RELCH: variants seen among roughly 807,000 people sequenced by gnomAD.
The protein encoded by RELCH is RAB11 binding and LisH domain, coiled-coil and HEAT repeat containing.
RELCH carries 41 observed loss-of-function variants against 150.3 expected under a neutral mutation model. The ratio of observed to expected loss-of-function variants is 0.27; its 90% CI spans 0.21 to 0.35. RELCH has a LOEUF of 0.35. Ranked by LOEUF, RELCH falls within the 10% of genes least tolerant of loss-of-function variation. RELCH has a pLI of 1.00. For synonymous variants in RELCH, 478 were observed against 531.8 expected (o/e 0.90, Z 1.39); for missense variants, 1,092 against 1,467.8 (o/e 0.74, Z 4.18).
At chr18:62,252,639 A>G (rs758702540) in intron 11 of RELCH, 25 bp from the exon 12 acceptor site, 5 of 1,594,300 alleles carry the variant, frequency 3.1e-6, no homozygotes, top group Non-Finnish European at 2.6e-6. Flanking sequence ...TGCAAATACA[A>G]GCCGTTTTTT....
intron 5 of RELCH, among the ~76,000 whole-genome samples, chr18:62,222,220 G>A (rs113649585): frequency 0.039 from 5,960 of 151,992 alleles, 158 homozygotes; most frequent in Non-Finnish European, 0.06. Context: ...AATTTTCTGA[G>A]TAAGATAGTT....
rs68067609 is a variant in RELCH at position 62,253,267 on chromosome 18, TTGTGTG to T, written c.1824+553_1824+558del. Among the ~76,000 whole-genome samples the T allele has an allele frequency of 9.2e-3, 1,258 of 136,512 alleles. 11 individuals are homozygous for T. Among genetic ancestry groups the T allele is most frequent in the East Asian group, 0.046 (214 of 4,670 alleles). The allele number at this position is 136,512 out of a possible 152,430, so 89.6% of individuals were successfully genotyped here. ...TATACTTGAAGAAACAGCAAGAAGATTGTGTGTGTGTGTGTGTGTGTGTGTGTGTGT... is the reference window on the plus strand; with the variant it reads ...TATACTTGAAGAAACAGCAAGAAGATTGTGTGTGTGTGTGTGTGTGTGTGT... On this transcript the variant is annotated intron_variant, in intron 12 of 28. Coordinates refer to ENST00000644646, the MANE Select transcript of RELCH (RefSeq NM_001346231.2).
At chr18:62,272,332 T>G (rs970227366) in intron 20 of RELCH, among the ~76,000 whole-genome samples, 16 of 152,142 alleles carry the variant, frequency 1.1e-4, no homozygotes, top group Non-Finnish European at 2.4e-4. Context: ...TTTTACCCTC[T>G]TGAAGTTTTG....
At position 62,259,126 on chromosome 18, in the gene RELCH, C is replaced by T. The variant is rs112272923; in HGVS notation, c.2202+450C>T. 7.1e-3 allele frequency among the ~76,000 whole-genome samples: 1,079 copies of T among 151,970 alleles called. 14 individuals are homozygous for T. Among genetic ancestry groups the T allele is most frequent in the African/African-American group, 0.025 (1,031 of 41,476 alleles). The stretch of plus-strand genomic sequence containing the variant: ...TTTTAAAATGAACTTTTAATTTTTC[C>T]CACATACAAGAATTAAAGAAATGTT... On this transcript the variant is annotated intron_variant, in intron 15 of 28. Transcript: ENST00000644646.
At chr18:62,300,776 G>T (rs1176172387) in intron 28 of RELCH, among the ~76,000 whole-genome samples, 1 of 152,186 alleles carries the variant, frequency 6.6e-6, no homozygotes, top group Non-Finnish European at 1.5e-5. Context: ...AGTTACCTGT[G>T]TAAGTACTAC....
rs1306173249 is a variant in RELCH at position 62,231,250 on chromosome 18, A to G, written c.1505A>G (p.Asp502Gly). 1 of 1,605,858 alleles carries G rather than the reference A, an allele frequency of 6.2e-7. No homozygotes were observed. Among genetic ancestry groups the G allele is most frequent in the South Asian group, 1.1e-5 (1 of 90,790 alleles). ...CTCTCTTTTTGTCGAATGTCAGCAGATAGTCGTTTAGGATACGAGGTAAAT... is the reference window on the plus strand; with the variant it reads ...CTCTCTTTTTGTCGAATGTCAGCAGGTAGTCGTTTAGGATACGAGGTAAAT... Reference protein sequence around the residue: ...ALLSFCRMSADSRLGYEVSRI... With the variant: ...ALLSFCRMSAGSRLGYEVSRI... Residue 502 changes from aspartate to glycine, a missense_variant, in exon 9 of 29, where the codon GAT becomes GGT. Around this residue, in one of 4 missense-constraint regions of RELCH, gnomAD observed 707 missense variants for 1,025.4 expected, o/e 0.69. Coordinates refer to ENST00000644646, the MANE Select transcript of RELCH (RefSeq NM_001346231.2).
chr18:62,282,323 A>C lies in RELCH; in HGVS notation c.3132A>C (p.Lys1044Asn). Reference protein sequence around the residue: ...VIQRELLERVKMQLASFLEDP... With the variant: ...VIQRELLERVNMQLASFLEDP... ...ATTTTAAGTTGCTGGAAAGAGTGAA[A>C]ATGCAGTTGGCTTCTTTCCTGGAAG... The change falls in exon 25 of 29, where the codon AAA becomes AAC. Residue 1044 changes from lysine (K) to asparagine (N), a missense_variant. Lys to Asn is a moderately conservative substitution (Grantham distance 94). Transcript: ENST00000644646. The C allele has an allele frequency of 1.2e-6, 2 of 1,613,202 alleles. No individual in the cohort carries two copies. The highest frequency in any genetic ancestry group is 1.7e-6 in the Non-Finnish European group (2 of 1,179,366).
chr18:62,212,881 TCAGA>T (rs1389384657), intron 2 of RELCH, among the ~76,000 whole-genome samples: 1 of 152,208 alleles, frequency 6.6e-6, no homozygotes, highest in Non-Finnish European at 1.5e-5. Context: ...TTTTAAAATC[TCAGA>T]CAGTGTTATA....
intron 21 of RELCH, among the ~76,000 whole-genome samples, chr18:62,275,031 C>T (rs897712895): frequency 6.6e-6 from 1 of 152,202 alleles, no homozygotes; most frequent in African/African-American, 2.4e-5. Flanking sequence ...ATTCTCCTGC[C>T]TCAGCCTCCT....
At chr18:62,296,208 T>C (rs2045399860) in intron 27 of RELCH, among the ~76,000 whole-genome samples, 1 of 152,210 alleles carries the variant, frequency 6.6e-6, no homozygotes, top group Non-Finnish European at 1.5e-5. Flanking sequence ...AAAATAAGGT[T>C]AGTTAATTTT....
rs749927242 is a variant in RELCH, at chr18:62,305,386, T to C, written c.3531-28T>C. Reference sequence around the variant, plus strand: ...AAAATTTTTATTTTTTTAATTGCTTTACATGAATTTTAAATTTTCTTTCCT... The same window carrying C: ...AAAATTTTTATTTTTTTAATTGCTTCACATGAATTTTAAATTTTCTTTCCT... On this transcript the variant is annotated intron_variant, in intron 28 of 28. Transcript: ENST00000644646. The surrounding 1 kb of genome is among the most constrained non-coding windows in gnomAD (Gnocchi z 4.0). 1 of 1,575,402 alleles carries C rather than the reference T, an allele frequency of 6.3e-7. No homozygotes were observed. Among genetic ancestry groups the C allele is most frequent in the East Asian group, 2.3e-5 (1 of 44,126 alleles).
chr18:62,264,210 G>A (rs765614266), intron 17 of RELCH, 65 bp downstream of exon 17: 91 of 1,352,052 alleles, frequency 6.7e-5, no homozygotes, highest in Middle Eastern at 1.8e-4. Flanking sequence ...TTGGCCCTAA[G>A]AACAAAATAT....
chr18:62,193,392 AAT>A (rs528731627), intron 1 of RELCH, among the ~76,000 whole-genome samples: 308 of 152,242 alleles, frequency 2.0e-3, no homozygotes, highest in African/African-American at 7.1e-3. Context: ...CAGAACTTCC[AAT>A]ACCATGTTGA....
intron 11 of RELCH, chr18:62,246,190 G>A (rs1228912426): frequency 6.6e-6 from 1 of 152,120 alleles, no homozygotes; most frequent in African/African-American, 2.4e-5. Flanking sequence ...AAACATTGAG[G>A]TGCAGTTTTT....
At chr18:62,243,158 C>T (rs1439182927) in intron 10 of RELCH, among the ~76,000 whole-genome samples, 1 of 152,090 alleles carries the variant, frequency 6.6e-6, no homozygotes, top group African/African-American at 2.4e-5. Context: ...TTAGTCGTCT[C>T]ATTAGTATCA....
chr18:62,195,776 A>C (rs2038994296), intron 1 of RELCH, among the ~76,000 whole-genome samples: 1 of 149,384 alleles, frequency 6.7e-6, no homozygotes, highest in African/African-American at 2.5e-5. Context: ...GCTCACTGCC[A>C]TCTCCACCTC....
intron 11 of RELCH, among the ~76,000 whole-genome samples, chr18:62,249,163 T>G (rs533897451): frequency 2.6e-5 from 4 of 152,340 alleles, no homozygotes; most frequent in South Asian, 4.1e-4. Flanking sequence ...CTTTTCTGAC[T>G]GATATAATTT....
intron 1 of RELCH, among the ~76,000 whole-genome samples, chr18:62,189,409 C>G (rs1042381962): frequency 2.0e-5 from 3 of 151,750 alleles, no homozygotes; most frequent in African/African-American, 7.3e-5. Flanking sequence ...TGGTTTCTTT[C>G]ATTGTTAACA....
chr18:62,265,563 A>G (rs1284951766), intron 18 of RELCH, among the ~76,000 whole-genome samples: 1 of 152,086 alleles, frequency 6.6e-6, no homozygotes, highest in Non-Finnish European at 1.5e-5. Flanking sequence ...AAAGGTAAGC[A>G]TTTTAATTAT....
Sources: gnomAD v4.1 joint callset for allele counts (sites outside exome capture counted in the v4.1 genomes callset) on GRCh38, gnomAD v4.1.1 for gene constraint, gnomAD v4.1.1 regional missense constraint, Gnocchi (gnomAD v3.1) non-coding constraint, MANE v1.5 for transcripts, NCBI Gene and HGNC (gene_info 2026-07-23, HGNC 2026-07-21) for gene names.